The following INO80D variants were observed in gnomAD, a reference collection of about 807,000 sequenced individuals.
INO80D encodes the protein INO80 complex subunit D.
In INO80D, 21 loss-of-function variants were observed where a neutral mutation model predicts 87.6. That is an observed-to-expected ratio of 0.24 (90% CI 0.17 to 0.35). The LOEUF (loss-of-function observed/expected upper bound fraction) is 0.35. Ranked by LOEUF, INO80D falls within the 10% of genes least tolerant of loss-of-function variation. The pLI, the probability that INO80D is intolerant of heterozygous loss-of-function variation, is 1.00. For synonymous variants in INO80D, 440 were observed against 491.0 expected (o/e 0.90, Z 1.37); for missense variants, 982 against 1,280.7 (o/e 0.77, Z 3.56).
Position 206,017,749 on chromosome 2 carries a change from C to G in INO80D, c.1473G>C (p.Gln491His). ...SSCTAKFADG[Q>H]QCSVPVFDIT... ...TGTCAAAAACTGGCACAGAGCACTGCTGTCCATCTGCAAACTTGGCTGTGC... is the reference window on the plus strand; with the variant it reads ...TGTCAAAAACTGGCACAGAGCACTGGTGTCCATCTGCAAACTTGGCTGTGC... The change falls in exon 8 of 11, where the codon CAG (glutamine) becomes CAC (histidine). Residue 491 changes from glutamine (Q) to histidine (H), a missense_variant. By Grantham distance (24) the Gln-to-His change is conservative. Coordinates refer to ENST00000403263, the MANE Select transcript of INO80D (RefSeq NM_017759.5). 6.2e-7 allele frequency: 1 copy of G among 1,613,660 alleles called. No homozygotes were observed. Among genetic ancestry groups the G allele is most frequent in the Non-Finnish European group, 8.5e-7 (1 of 1,179,780 alleles).
At chr2:206,045,733 T>TA (rs1689176700) in intron 5 of INO80D, among the ~76,000 whole-genome samples, 1 of 150,590 alleles carries the variant, frequency 6.6e-6, no homozygotes, top group Non-Finnish European at 1.5e-5. Flanking sequence ...AAAAAAATTG[T>TA]AGCACAGTAG....
intron 1 of INO80D, among the ~76,000 whole-genome samples, chr2:206,074,580 C>T (rs1041505273): frequency 1.3e-5 from 2 of 152,190 alleles, no homozygotes; most frequent in Non-Finnish European, 2.9e-5. Flanking sequence ...CACCGTTACA[C>T]TCCAACCTGT....
chr2:206,020,762 A>G lies in INO80D; in HGVS notation c.1299-917T>C, dbSNP rs535879402. The stretch of plus-strand genomic sequence containing the variant: ...TCTTGCCCTTGCCCCCTAATTTGCC[A>G]GCCCCCACTCCCTCTATAATACGTA... On this transcript the variant is annotated intron_variant, in intron 6 of 10. Coordinates refer to ENST00000403263, the MANE Select transcript of INO80D (RefSeq NM_017759.5). Among the ~76,000 whole-genome samples, 3 of 152,244 alleles carry G rather than the reference A, an allele frequency of 2.0e-5. No individual in the cohort carries two copies. The East Asian group carries it at 5.8e-4, about 29-fold the overall frequency.
chr2:205,994,602 A>T lies in INO80D; in HGVS notation c.*9766T>A, dbSNP rs1575779019. The T allele has an allele frequency of 1.3e-5, 2 of 151,836 alleles. No individual in the cohort carries two copies. The highest frequency in any genetic ancestry group is 1.3e-4 in the Admixed American group (2 of 15,240). 9.4% of individuals were successfully genotyped at this position (151,836 alleles called of 1,614,324 possible). A position where few individuals can be genotyped will look rare whatever the true frequency, so the allele number is the denominator to read the frequency against. On this transcript the variant is annotated 3_prime_UTR_variant, in exon 11 of 11. Coordinates refer to ENST00000403263, the MANE Select transcript of INO80D (RefSeq NM_017759.5). ...TAAGCTACTCAGTAAAATGGCTCAA[A>T]CCCCAGCCTCTCTATTTTAGTCTTC...
rs1363255189 is a variant in INO80D, at chr2:206,004,518, G to C, written c.2934C>G (p.Ala978=). The part of the protein sequence containing the change: ...PKQQLPQFSA[A]FGHQLSSHSG... ...TGTGAGAACTCAGCTGGTGGCCAAA[G>C]GCTGCGCTGAACTGAGGGAGTTGCT... Residue 978 remains alanine (A), a synonymous_variant, in exon 11 of 11, where the codon GCC becomes GCG. Transcript: ENST00000403263. This position sits in a 1 kb window ranked among gnomAD's most constrained non-coding sequence, Gnocchi z 4.9. The C allele has an allele frequency of 1.2e-6, 2 of 1,610,692 alleles. No homozygotes were observed. Among genetic ancestry groups the C allele is most frequent in the Non-Finnish European group, 1.7e-6 (2 of 1,178,518 alleles).
chr2:206,034,313 T>A (rs892357915), intron 5 of INO80D, among the ~76,000 whole-genome samples: 15 of 152,050 alleles, frequency 9.9e-5, no homozygotes, highest in Admixed American at 9.8e-4. Flanking sequence ...CAGACCGATA[T>A]CCCTGATGAA....
Position 206,001,045 on chromosome 2 carries a change from C to T in INO80D, c.*3323G>A, listed in dbSNP as rs1257898652. On this transcript the variant is annotated 3_prime_UTR_variant, in exon 11 of 11. Transcript: ENST00000403263. ...CGATAATTAGAAAATTTTTCCATTG[C>T]ATAGTCTGTCACTTGGTGGGTTAAG... 1 of 152,140 alleles carries T rather than the reference C, an allele frequency of 6.6e-6. No homozygotes were observed. Among genetic ancestry groups the T allele is most frequent in the African/African-American group, 2.4e-5 (1 of 41,434 alleles). The allele number at this position is 152,140 out of a possible 1,614,324, so 9.4% of individuals were successfully genotyped here.
intron 4 of INO80D, among the ~76,000 whole-genome samples, chr2:206,049,129 G>A (rs1186420413): frequency 6.6e-6 from 1 of 152,136 alleles, no homozygotes; most frequent in Non-Finnish European, 1.5e-5. Context: ...GGACTTCATG[G>A]ATTGCTTCCA....
intron 2 of INO80D, 47 bp from the exon 3 acceptor site, chr2:206,063,092 G>C: frequency 2.0e-6 from 2 of 982,754 alleles, no homozygotes; most frequent in Non-Finnish European, 3.1e-6. Context: ...AAATCAGAGA[G>C]TATAAGGCAG....
intron 5 of INO80D, among the ~76,000 whole-genome samples, chr2:206,029,764 T>C (rs1688711805): frequency 6.6e-6 from 1 of 152,204 alleles, no homozygotes; most frequent in Non-Finnish European, 1.5e-5. Flanking sequence ...GTGTATCTAT[T>C]ATGCTCAGCA....
chr2:206,084,964 G>A (rs1317839537), intron 1 of INO80D, among the ~76,000 whole-genome samples: 3 of 152,200 alleles, frequency 2.0e-5, no homozygotes, highest in African/African-American at 4.8e-5. Context: ...GGGCTCTAGG[G>A]GGAAGGGGCT....
rs184488222 is a variant in INO80D, at chr2:206,043,598, C to T, written c.1073+2906G>A. Among the ~76,000 whole-genome samples the T allele has an allele frequency of 1.2e-3, 189 of 152,302 alleles. 4 individuals carry two copies. In the East Asian group the frequency reaches 0.034, roughly 27 times the overall value. On this transcript the variant is annotated intron_variant, in intron 5 of 10. Coordinates refer to ENST00000403263, the MANE Select transcript of INO80D (RefSeq NM_017759.5). ...CGCCTCCCAGGTTCACGCCATTCTC[C>T]TGCCTCAGCCTCCCAAGTAGCTGGG...
rs1353555151 is a variant in INO80D, at chr2:205,998,501, T to C, written c.*5867A>G. On this transcript the variant is annotated 3_prime_UTR_variant, in exon 11 of 11. Transcript: ENST00000403263. The stretch of plus-strand genomic sequence containing the variant: ...CATATATATTTAGCTATTAAACACA[T>C]AGGCAACATAATTCATTACACTCGA... 1 of 142,996 alleles carries C rather than the reference T, an allele frequency of 7.0e-6. No homozygotes were observed. Among genetic ancestry groups the C allele is most frequent in the African/African-American group, 2.6e-5 (1 of 38,666 alleles). The allele number at this position is 142,996 out of a possible 1,614,324, so 8.9% of individuals were successfully genotyped here. A position where few individuals can be genotyped will look rare whatever the true frequency, so the allele number is the denominator to read the frequency against.
At chr2:206,028,888 T>C (rs998496050) in intron 5 of INO80D, among the ~76,000 whole-genome samples, 1 of 151,800 alleles carries the variant, frequency 6.6e-6, no homozygotes, top group East Asian at 1.9e-4. Flanking sequence ...TGTTTTGTTT[T>C]TTTGTTTTTT....
rs975326679 is a variant in INO80D, at chr2:206,085,251, C to T, written c.-124+650G>A. Among the ~76,000 whole-genome samples, 13 of 152,066 alleles carry T rather than the reference C, an allele frequency of 8.5e-5. No homozygotes were observed. Among genetic ancestry groups the T allele is most frequent in the African/African-American group, 2.2e-4 (9 of 41,536 alleles). ...CCGACCCCACGCCCGCCAGGCCGCC[C>T]GCCCCGCCCCGCCCCGGCCTGGCCG... On this transcript the variant is annotated intron_variant, in intron 1 of 10. Coordinates refer to ENST00000403263, the MANE Select transcript of INO80D (RefSeq NM_017759.5). The surrounding 1 kb of genome is among the most constrained non-coding windows in gnomAD (Gnocchi z 4.5).
chr2:206,042,459 A>G (rs933044504), intron 5 of INO80D, among the ~76,000 whole-genome samples: 1 of 152,114 alleles, frequency 6.6e-6, no homozygotes, highest in Non-Finnish European at 1.5e-5. Context: ...AGGCAGGTGG[A>G]TCACCTGAGG....
intron 1 of INO80D, among the ~76,000 whole-genome samples, chr2:206,079,596 C>T (rs1353263966): frequency 6.6e-6 from 1 of 152,196 alleles, no homozygotes; most frequent in African/African-American, 2.4e-5. Context: ...GCCATTGCCA[C>T]CACCTTAGTT....
In INO80D at chr2:206,005,340, G is replaced by A. The variant is rs1687996751; in HGVS notation, c.2112C>T (p.Ser704=). 6.2e-7 allele frequency: 1 copy of A among 1,613,992 alleles called. No homozygotes were observed. The highest frequency in any genetic ancestry group is 8.5e-7 in the Non-Finnish European group (1 of 1,179,894). ...GGTCTGTGTTCACCTCTCGGCTCAA[G>A]GATTGTATTCCTGAAGCTCCAGTAC... The part of the protein sequence containing the change: ...STGTGASGIQ[S]LSREVNTDLG... Residue 704 remains serine (S), a synonymous_variant, in exon 11 of 11, where the codon TCC becomes TCT. Transcript: ENST00000403263.
chr2:206,068,395 T>G (rs1028943509), intron 1 of INO80D, among the ~76,000 whole-genome samples: 3 of 152,158 alleles, frequency 2.0e-5, no homozygotes, highest in Admixed American at 6.5e-5. Context: ...CCACTGTGCC[T>G]GGCCACACTA....
Sources: gnomAD v4.1 joint callset for allele counts (sites outside exome capture counted in the v4.1 genomes callset) on GRCh38, gnomAD v4.1.1 for gene constraint, Gnocchi (gnomAD v3.1) non-coding constraint, MANE v1.5 for transcripts, NCBI Gene and HGNC (gene_info 2026-07-23, HGNC 2026-07-21) for gene names.